Variants in C2CD2L observed in about 807,000 individuals in gnomAD.
C2CD2L encodes the protein C2CD2 like.
In C2CD2L, 24 loss-of-function variants were observed where a neutral mutation model predicts 69.9. The ratio of observed to expected loss-of-function variants is 0.34; its 90% CI spans 0.25 to 0.48. The LOEUF is 0.48. Ranked by LOEUF, C2CD2L falls within the 20% of genes least tolerant of loss-of-function variation. The probability of loss-of-function intolerance (pLI) is 0.99; values close to 1 mark genes in which losing one functional copy is unlikely to be tolerated. For missense variants in C2CD2L, 811 were observed against 941.5 expected (o/e 0.86, Z 1.81); for synonymous variants, 367 against 391.0 (o/e 0.94, Z 0.72).
Position 119,107,933 on chromosome 11 carries a change from C to A in C2CD2L, c.192C>A (p.Gly64=), listed in dbSNP as rs998496877. 6.5e-7 allele frequency: 1 copy of A among 1,542,100 alleles called. No individual in the cohort carries two copies. The highest frequency in any genetic ancestry group is 2.1e-5 in the Admixed American group (1 of 47,480). ...CCGCGGGTTCCCTGCGGGAGCTGGG[C>A]GTGTGGCGCTCGCTGCTGCGGCTGC... is the stretch of plus-strand genomic sequence containing the variant. ...GEPAGSLREL[G]VWRSLLRLRA... The change falls in exon 1 of 14, where the codon GGC becomes GGA. Residue 64 remains glycine, a synonymous_variant. Transcript: ENST00000648610. The surrounding 1 kb of genome is among the most constrained non-coding windows in gnomAD (Gnocchi z 5.4).
At chr11:119,105,983 G>T (rs990612986), upstream of C2CD2L, among the ~76,000 whole-genome samples, 2 of 152,196 alleles carry the variant, frequency 1.3e-5, no homozygotes, top group Non-Finnish European at 2.9e-5. Context: ...CTCCTCCCTT[G>T]ATTTCATGTC....
chr11:119,112,432 G>C (rs1226461727), intron 8 of C2CD2L, 40 bp downstream of exon 8: 4 of 1,613,908 alleles, frequency 2.5e-6, no homozygotes, highest in Middle Eastern at 1.7e-4. Flanking sequence ...GGTGGGTACA[G>C]AGTGGGGTCT....
chr11:119,110,615 C>G lies in C2CD2L; in HGVS notation c.505C>G (p.Gln169Glu), dbSNP rs1208006512. 1 of 1,612,402 alleles carries G rather than the reference C, an allele frequency of 6.2e-7. No homozygotes were observed. Among genetic ancestry groups the G allele is most frequent in the Non-Finnish European group, 8.5e-7 (1 of 1,179,710 alleles). Residue 169 changes from glutamine (Q) to glutamate (E), a missense_variant, in exon 3 of 14, where the codon CAG (glutamine) becomes GAG (glutamate). Gln to Glu is a conservative substitution (Grantham distance 29). Transcript: ENST00000648610. This position sits in a 1 kb window ranked among gnomAD's most constrained non-coding sequence, Gnocchi z 5.7. Reference sequence around the variant, plus strand: ...GGTGCGGTTCCCAGTCTCTGTGACCCAGCAGTCCCCCGCTGCCGTCTCCAT... The same window carrying G: ...GGTGCGGTTCCCAGTCTCTGTGACCGAGCAGTCCCCCGCTGCCGTCTCCAT... ...EEVRFPVSVT[Q>E]QSPAAVSMET... is the part of the protein sequence containing the mutation.
upstream of C2CD2L, chr11:119,106,771 G>A (rs1038844492): frequency 6.6e-5 from 10 of 152,244 alleles, no homozygotes; most frequent in Admixed American, 3.9e-4. Context: ...ACACGAGCAA[G>A]GAGGTTAATG....
In C2CD2L at chr11:119,116,078, T is replaced by TCCG. The variant is rs776668546; in HGVS notation, c.1947_1949dup (p.Arg651dup). 5 of 1,614,092 alleles carry TCCG rather than the reference T, an allele frequency of 3.1e-6. No homozygotes were observed. In the East Asian group the frequency reaches 8.9e-5, roughly 29 times the overall value. The stretch of plus-strand genomic sequence containing the variant: ...CTGCGCAGCGGCACTAAGCTCATCT[T>TCCG]CCGCCGGAGGCCTAGGCAGAAGGAA... On this transcript the variant is annotated inframe_insertion, in exon 14 of 14. Transcript: ENST00000648610.
Position 119,107,816 on chromosome 11 carries a change from G to A in C2CD2L, c.75G>A (p.Thr25=), listed in dbSNP as rs1279028048. ...TCCTCTTCGCCGCCTCGCTGCTCACGGTGTTCGCCTGGCTGCTGCAATATG... is the reference window on the plus strand; with the variant it reads ...TCCTCTTCGCCGCCTCGCTGCTCACAGTGTTCGCCTGGCTGCTGCAATATG... ...LLILFAASLL[T]VFAWLLQYAR... The change falls in exon 1 of 14, where the codon ACG becomes ACA. Residue 25 remains threonine (T), a synonymous_variant. Coordinates refer to ENST00000648610, the MANE Select transcript of C2CD2L (RefSeq NM_001290474.2). The surrounding 1 kb of genome is among the most constrained non-coding windows in gnomAD (Gnocchi z 5.4). 6 of 1,551,884 alleles carry A rather than the reference G, an allele frequency of 3.9e-6. No individual in the cohort carries two copies. The highest frequency in any genetic ancestry group is 4.3e-6 in the Non-Finnish European group (5 of 1,160,812).
Position 119,116,333 on chromosome 11 carries a change from A to C in C2CD2L, c.*77A>C. 8.1e-7 allele frequency: 1 copy of C among 1,235,460 alleles called. No homozygotes were observed. Among genetic ancestry groups the C allele is most frequent in the South Asian group, 1.3e-5 (1 of 79,056 alleles). The allele number at this position is 1,235,460 out of a possible 1,614,324, so 76.5% of individuals were successfully genotyped here. On this transcript the variant is annotated 3_prime_UTR_variant, in exon 14 of 14. Transcript: ENST00000648610. ...CTTCCATACCCCTTCCTGGATCTCC[A>C]GTGCCTGGGCCAGGAAAGCCCTCTG...
intron 7 of C2CD2L, 58 bp from the exon 8 acceptor site, chr11:119,112,270 A>G: frequency 6.7e-7 from 1 of 1,486,140 alleles, no homozygotes; most frequent in South Asian, 1.2e-5. Flanking sequence ...GATCCACTCA[A>G]GTGTGGGTTC....
In C2CD2L at chr11:119,107,382, G is replaced by A. The variant is rs1380126022; in HGVS notation, c.-360G>A. The A allele has an allele frequency of 1.1e-5, 2 of 181,426 alleles. No homozygotes were observed. The highest frequency in any genetic ancestry group is 1.1e-5 in the Non-Finnish European group (1 of 87,704). The allele number at this position is 181,426 out of a possible 1,614,324, so 11.2% of individuals were successfully genotyped here. The stretch of plus-strand genomic sequence containing the variant: ...TCAGCTCTGCGCACGCAGCCCTCCC[G>A]GAGCCGGTGCCGGCCCGCGAGCCCC... On this transcript the variant is annotated 5_prime_UTR_variant, in exon 1 of 14. Coordinates refer to ENST00000648610, the MANE Select transcript of C2CD2L (RefSeq NM_001290474.2). The surrounding 1 kb of genome is among the most constrained non-coding windows in gnomAD (Gnocchi z 5.4).
chr11:119,114,646 A>G lies in C2CD2L; in HGVS notation c.1909+281A>G, dbSNP rs1446937945. 4 of 413,170 alleles carry G rather than the reference A, an allele frequency of 9.7e-6. No homozygotes were observed. The highest frequency in any genetic ancestry group is 6.2e-5 in the African/African-American group (3 of 48,108). The allele number at this position is 413,170 out of a possible 1,614,324, so 25.6% of individuals were successfully genotyped here. A position where few individuals can be genotyped will look rare whatever the true frequency, so the allele number is the denominator to read the frequency against. On this transcript the variant is annotated intron_variant, in intron 13 of 13. Coordinates refer to ENST00000648610, the MANE Select transcript of C2CD2L (RefSeq NM_001290474.2). The surrounding 1 kb of genome is among the most constrained non-coding windows in gnomAD (Gnocchi z 5.1). Reference sequence around the variant, plus strand: ...CATTTTTCCTGCCCTTTAAAAAAAAATTATAAAAATTTATTCCTAGGCAGG... The same window carrying G: ...CATTTTTCCTGCCCTTTAAAAAAAAGTTATAAAAATTTATTCCTAGGCAGG...
chr11:119,108,071 G>A lies in C2CD2L; in HGVS notation c.330G>A (p.Leu110=). ...GGCAGCGGGCTTGGGTGCGAGCGCTGAACGAGCAGGCCTGCAGAAACGGGG... is the reference window on the plus strand; with the variant it reads ...GGCAGCGGGCTTGGGTGCGAGCGCTAAACGAGCAGGCCTGCAGAAACGGGG... The part of the protein sequence containing the change: ...ENWQRAWVRA[L]NEQACRNGSS... The change falls in exon 1 of 14, where the codon CTG becomes CTA. Residue 110 remains leucine (L), a synonymous_variant. Transcript: ENST00000648610. 3 of 1,598,300 alleles carry A rather than the reference G, an allele frequency of 1.9e-6. No individual in the cohort carries two copies. Among genetic ancestry groups the A allele is most frequent in the Non-Finnish European group, 2.6e-6 (3 of 1,173,722 alleles).
chr11:119,116,566 A>C lies in C2CD2L; in HGVS notation c.*310A>C, dbSNP rs1946898214. 2.0e-6 allele frequency: 1 copy of C among 505,398 alleles called. No homozygotes were observed. The highest frequency in any genetic ancestry group is 3.4e-5 in the East Asian group (1 of 29,088). The allele number at this position is 505,398 out of a possible 1,614,324, so 31.3% of individuals were successfully genotyped here. A position where few individuals can be genotyped will look rare whatever the true frequency, so the allele number is the denominator to read the frequency against. ...GAGCCTGGTCCCTGAGCGGAGTCCCAGGGTGCTCAGCTCTTCAGCTGACCC... is the reference window on the plus strand; with the variant it reads ...GAGCCTGGTCCCTGAGCGGAGTCCCCGGGTGCTCAGCTCTTCAGCTGACCC... On this transcript the variant is annotated 3_prime_UTR_variant, in exon 14 of 14. Transcript: ENST00000648610.
chr11:119,108,222 T>TCC, intron 1 of C2CD2L, 127 bp downstream of exon 1: 1 of 589,084 alleles, frequency 1.7e-6, no homozygotes, highest in Non-Finnish European at 2.9e-6. Context: ...TCTCTTCCCC[T>TCC]CCCGGATCAG....
rs768458820 is a variant in C2CD2L, at chr11:119,118,283, T to C, written c.*2027T>C. 6.6e-6 allele frequency: 1 copy of C among 152,232 alleles called. No individual in the cohort carries two copies. The highest frequency in any genetic ancestry group is 1.9e-4 in the East Asian group (1 of 5,200). 9.4% of individuals were successfully genotyped at this position (152,232 alleles called of 1,614,324 possible). On this transcript the variant is annotated 3_prime_UTR_variant, in exon 14 of 14. Coordinates refer to ENST00000648610, the MANE Select transcript of C2CD2L (RefSeq NM_001290474.2). ...CTTTCATAGTCTCCGATGTCTTTTATTCCACTCTATATGTCCATGTATACC... is the reference window on the plus strand; with the variant it reads ...CTTTCATAGTCTCCGATGTCTTTTACTCCACTCTATATGTCCATGTATACC...
In C2CD2L at chr11:119,116,357, T is replaced by G; in HGVS notation, c.*101T>G. 1 of 1,019,890 alleles carries G rather than the reference T, an allele frequency of 9.8e-7. No homozygotes were observed. Among genetic ancestry groups the G allele is most frequent in the Non-Finnish European group, 1.5e-6 (1 of 680,682 alleles). 63.2% of individuals were successfully genotyped at this position (1,019,890 alleles called of 1,614,324 possible). ...CAGTGCCTGGGCCAGGAAAGCCCTC[T>G]GGGTTCCGGGAAGCCCCGTCCACCC... On this transcript the variant is annotated 3_prime_UTR_variant, in exon 14 of 14. Coordinates refer to ENST00000648610, the MANE Select transcript of C2CD2L (RefSeq NM_001290474.2).
At chr11:119,102,628 G>A (rs184123183), upstream of C2CD2L, among the ~76,000 whole-genome samples, 6 of 152,042 alleles carry the variant, frequency 3.9e-5, no homozygotes, top group East Asian at 9.7e-4. Context: ...CAGCTTGGCC[G>A]TGGATCACTG....
chr11:119,110,658 C>T lies in C2CD2L; in HGVS notation c.548C>T (p.Thr183Ile), dbSNP rs1946713578. The T allele has an allele frequency of 6.2e-7, 1 of 1,613,882 alleles. No homozygotes were observed. Among genetic ancestry groups the T allele is most frequent in the Non-Finnish European group, 8.5e-7 (1 of 1,180,030 alleles). The change falls in exon 3 of 14, where the codon ACT (threonine) becomes ATT (isoleucine). Residue 183 changes from threonine to isoleucine, a missense_variant. Transcript: ENST00000648610. The surrounding 1 kb of genome is among the most constrained non-coding windows in gnomAD (Gnocchi z 5.7). ...GTCTCCATGGAGACCTACCACGTCA[C>T]TCTGACACTGCCACCAACACAGGTA... The part of the protein sequence containing the change: ...AAVSMETYHV[T>I]LTLPPTQLEV...
rs61899960 is a variant in C2CD2L at position 119,110,975 on chromosome 11, G to T, written c.681+18G>T. On this transcript the variant is annotated intron_variant, in intron 4 of 13. Coordinates refer to ENST00000648610, the MANE Select transcript of C2CD2L (RefSeq NM_001290474.2). This position sits in a 1 kb window ranked among gnomAD's most constrained non-coding sequence, Gnocchi z 5.7. ...CCAGGGAGGTAAGGAGGCAGAGCTG[G>T]CAGAGAAGAGGCAGAACGGGGAGGG... 10 of 1,613,882 alleles carry T rather than the reference G, an allele frequency of 6.2e-6. No homozygotes were observed. In the Admixed American group the frequency reaches 1.5e-4, roughly 24 times the overall value.
intron 7 of C2CD2L, 105 bp from the exon 8 acceptor site, chr11:119,112,223 T>C (rs111923016): frequency 2.1e-5 from 21 of 994,304 alleles, no homozygotes; most frequent in African/African-American, 1.6e-4. Context: ...ATTTATGCCG[T>C]TTTATTTATG....
Sources: gnomAD v4.1 joint callset for allele counts (sites outside exome capture counted in the v4.1 genomes callset) on GRCh38, gnomAD v4.1.1 for gene constraint, Gnocchi (gnomAD v3.1) non-coding constraint, MANE v1.5 for transcripts, NCBI Gene and HGNC (gene_info 2026-07-23, HGNC 2026-07-21) for gene names.